The following MGAM variants were observed in gnomAD, a reference collection of about 807,000 sequenced individuals.
The protein encoded by MGAM is maltase-glucoamylase.
A neutral mutation model predicts 358.8 loss-of-function variants in MGAM; 253 were observed. That is an observed-to-expected ratio of 0.71 (90% CI 0.64 to 0.78). MGAM has a LOEUF of 0.78. Ranked by LOEUF, MGAM falls within the 30% of genes least tolerant of loss-of-function variation. The probability of loss-of-function intolerance (pLI) is 0.00; values close to 1 mark genes in which losing one functional copy is unlikely to be tolerated. For missense variants in MGAM, 3,080 were observed against 3,432.6 expected (o/e 0.90, Z 2.57); for synonymous variants, 1,105 against 1,227.1 (o/e 0.90, Z 2.08).
intron 16 of MGAM, among the ~76,000 whole-genome samples, chr7:142,035,370 C>G (rs1554465441): frequency 6.6e-6 from 1 of 152,018 alleles, no homozygotes; most frequent in South Asian, 2.1e-4. Context: ...TAAGAGGAGA[C>G]AGATGTGTAA....
intron 2 of MGAM, among the ~76,000 whole-genome samples, chr7:141,989,476 G>T (rs1304212122): frequency 1.3e-5 from 2 of 151,930 alleles, no homozygotes; most frequent in African/African-American, 4.8e-5. Context: ...GGTTGTCCAA[G>T]TTCTGCAGAA....
rs559747591 is a variant in MGAM, at chr7:141,998,417, C to T, written c.-3+2487C>T. Reference sequence around the variant, plus strand: ...TCTCTCCCTCCCCTAGCCCGCCATCCCCTGACAGGCCCTAATGTGTGATGT... The same window carrying T: ...TCTCTCCCTCCCCTAGCCCGCCATCTCCTGACAGGCCCTAATGTGTGATGT... On this transcript the variant is annotated intron_variant, in intron 1 of 70. Transcript: ENST00000475668. Among the ~76,000 whole-genome samples, 11 of 152,178 alleles carry T rather than the reference C, an allele frequency of 7.2e-5. No homozygotes were observed. In the South Asian group the frequency reaches 2.3e-3, roughly 32 times the overall value.
rs1807398156 is a variant in MGAM, at chr7:142,030,648, CCATCTCCA to C, written c.1362_1369del (p.Ile455GlnfsTer6). ...TATTCTTCCTATTTTTAGGATCCAG[CCATCTCCA>C]ACAACTCTTCCTCAAGTAAACCCTA... On this transcript the variant is annotated frameshift_variant, in exon 12 of 71. Coordinates refer to ENST00000475668, the MANE Select transcript of MGAM (RefSeq NM_001365693.1). LOFTEE classifies it high-confidence loss of function. 3 of 1,611,276 alleles carry C rather than the reference CCATCTCCA, an allele frequency of 1.9e-6. No individual in the cohort carries two copies. Among genetic ancestry groups the C allele is most frequent in the Non-Finnish European group, 2.5e-6 (3 of 1,177,656 alleles).
chr7:141,986,604 G>A (rs1239994693), intron 2 of MGAM, among the ~76,000 whole-genome samples: 1 of 152,056 alleles, frequency 6.6e-6, no homozygotes, highest in Non-Finnish European at 1.5e-5. Flanking sequence ...TTGGGGTAGG[G>A]GACTGAGGGG....
chr7:142,049,740 T>C (rs1159915762), intron 22 of MGAM, among the ~76,000 whole-genome samples: 3 of 152,088 alleles, frequency 2.0e-5, no homozygotes, highest in Non-Finnish European at 4.4e-5. Flanking sequence ...AATAAAAAAT[T>C]ACAGTGAGCT....
rs1554466069 is a variant in MGAM, at chr7:142,036,828, G to A, written c.2082G>A (p.Gln694=). Residue 694 remains glutamine, a synonymous_variant, in exon 18 of 71, where the codon CAG becomes CAA. Transcript: ENST00000475668. ...AAACTCCTATTTCCTCCCAGGACCA[G>A]GATCCTGCCTCCTTTGGAGCTGACT... The part of the protein sequence containing the change: ...RNHNGQGYKD[Q]DPASFGADSL... 1 of 1,613,230 alleles carries A rather than the reference G, an allele frequency of 6.2e-7. No individual in the cohort carries two copies.
chr7:142,105,954 A>T lies in MGAM; in HGVS notation c.*63A>T. ...TTGAAACTACTTATACTTCATACTC[A>T]TAAAAATTATTGTGTGTTGCTAATT... On this transcript the variant is annotated 3_prime_UTR_variant, in exon 71 of 71. Coordinates refer to ENST00000475668, the MANE Select transcript of MGAM (RefSeq NM_001365693.1). The T allele has an allele frequency of 8.0e-7, 1 of 1,247,348 alleles. No individual in the cohort carries two copies. Among genetic ancestry groups the T allele is most frequent in the Admixed American group, 1.8e-5 (1 of 56,894 alleles). 77.3% of individuals were successfully genotyped at this position (1,247,348 alleles called of 1,614,324 possible).
intron 40 of MGAM, 82 bp from the exon 41 acceptor site, chr7:142,066,491 T>A: frequency 7.0e-7 from 1 of 1,428,154 alleles, no homozygotes; most frequent in Non-Finnish European, 9.7e-7. Context: ...TGATCTTCAA[T>A]TGGAGTATGC....
chr7:142,057,691 G>T (rs750772099), intron 30 of MGAM, among the ~76,000 whole-genome samples: 3 of 152,020 alleles, frequency 2.0e-5, no homozygotes, highest in African/African-American at 7.3e-5. Context: ...CATGGTGGTC[G>T]TGGCAGCAAC....
chr7:142,054,606 T>C, intron 26 of MGAM, 148 bp from the exon 27 acceptor site: 1 of 915,088 alleles, frequency 1.1e-6, no homozygotes, highest in Non-Finnish European at 1.6e-6. Flanking sequence ...GTGACATTGT[T>C]ATCTGATATA....
chr7:141,994,403 G>A (rs1804086536), upstream of MGAM, among the ~76,000 whole-genome samples: 2 of 152,168 alleles, frequency 1.3e-5, no homozygotes, highest in Non-Finnish European at 2.9e-5. Context: ...CATGGGGCTG[G>A]GGAACTTGTA....
At chr7:142,060,864 G>A (rs1293223354) in intron 34 of MGAM, among the ~76,000 whole-genome samples, 4 of 151,636 alleles carry the variant, frequency 2.6e-5, no homozygotes, top group South Asian at 4.2e-4. Context: ...TCATACTTAC[G>A]AGTCCTGCCC....
At chr7:142,038,473 G>A (rs369124864) in intron 18 of MGAM, 58 bp from the exon 19 acceptor site, 17 of 1,329,768 alleles carry the variant, frequency 1.3e-5, no homozygotes, top group Non-Finnish European at 1.7e-5. Context: ...GAGTAGAGCT[G>A]CTACAAATCT....
At chr7:142,094,959 TA>T in intron 63 of MGAM, 96 bp downstream of exon 63, 7 of 1,224,802 alleles carry the variant, frequency 5.7e-6, no homozygotes, top group Non-Finnish European at 7.6e-6. Flanking sequence ...GTGATATCTT[TA>T]AAATTTTTTT....
At chr7:142,044,499 A>T (rs1231607994) in intron 21 of MGAM, among the ~76,000 whole-genome samples, 35 of 107,598 alleles carry the variant, frequency 3.3e-4, no homozygotes, top group South Asian at 6.1e-4. Flanking sequence ...TACACTTACG[A>T]TATATGATAT....
At chr7:142,053,889 A>G (rs1421957634) in intron 26 of MGAM, among the ~76,000 whole-genome samples, 2 of 152,172 alleles carry the variant, frequency 1.3e-5, no homozygotes, top group African/African-American at 4.8e-5. Flanking sequence ...ATGGGTTTGA[A>G]GTGAATGAAC....
At chr7:142,055,049 A>G (rs765653205) in intron 27 of MGAM, 141 bp downstream of exon 27, 29 of 1,035,402 alleles carry the variant, frequency 2.8e-5, no homozygotes, top group Non-Finnish European at 3.8e-5. Context: ...CTTCAGACCT[A>G]TTCTTACAGG....
intron 3 of MGAM, among the ~76,000 whole-genome samples, chr7:142,014,118 T>G (rs1554455260): frequency 6.6e-6 from 1 of 152,220 alleles, no homozygotes; most frequent in African/African-American, 2.4e-5. Flanking sequence ...TGAAGGAGGA[T>G]AAGGCCTGAG....
At chr7:142,104,419 A>G (rs576807529) in intron 70 of MGAM, among the ~76,000 whole-genome samples, 23 of 152,152 alleles carry the variant, frequency 1.5e-4, no homozygotes, top group Non-Finnish European at 3.2e-4. Context: ...TGTATTTATT[A>G]TTATTTAGAA....
Sources: gnomAD v4.1 joint callset for allele counts (sites outside exome capture counted in the v4.1 genomes callset) on GRCh38, gnomAD v4.1.1 for gene constraint, MANE v1.5 for transcripts, NCBI Gene and HGNC (gene_info 2026-07-23, HGNC 2026-07-21) for gene names.